GRID2: variants seen among roughly 807,000 people sequenced by gnomAD.
The protein encoded by GRID2 is glutamate ionotropic receptor delta type subunit 2.
Under a neutral mutation model 114.8 loss-of-function variants are expected in GRID2, and 33 were observed. The ratio of observed to expected loss-of-function variants is 0.29; its 90% confidence interval spans 0.22 to 0.38. GRID2 has a LOEUF of 0.38. Ranked by LOEUF, GRID2 falls within the 10% of genes least tolerant of loss-of-function variation. The pLI, the probability that GRID2 is intolerant of heterozygous loss-of-function variation, is 1.00. For synonymous variants in GRID2, 505 were observed against 449.9 expected, an observed-to-expected ratio of 1.12 and a Z score of -1.55; for missense variants, 1,184 against 1,257.7, an observed-to-expected ratio of 0.94 and a Z score of 0.89.
At chr4:93,503,088 A>C (rs972464592) in intron 12 of GRID2, among the ~76,000 whole-genome samples, 8 of 152,130 alleles carry the variant, frequency 5.3e-5, no homozygotes, top group African/African-American at 1.9e-4. Context: ...CAAAAAGGAA[A>C]TACCACCTAC....
At chr4:93,177,649 T>C (rs923396916) in intron 4 of GRID2, among the ~76,000 whole-genome samples, 1 of 152,182 alleles carries the variant, frequency 6.6e-6, no homozygotes, top group African/African-American at 2.4e-5. Flanking sequence ...AAAATAACTT[T>C]AGGGAAAAAA....
At chr4:92,556,195 G>A (rs1017503516) in intron 1 of GRID2, among the ~76,000 whole-genome samples, 12 of 151,974 alleles carry the variant, frequency 7.9e-5, no homozygotes, top group African/African-American at 2.2e-4. Context: ...ATAACAAAAG[G>A]CAAAGGAAAA....
At chr4:93,596,408 C>T (rs1385734924) in intron 13 of GRID2, among the ~76,000 whole-genome samples, 1 of 152,014 alleles carries the variant, frequency 6.6e-6, no homozygotes, top group Non-Finnish European at 1.5e-5. Flanking sequence ...GAAACCCTGT[C>T]TCTACTACAA....
chr4:93,311,503 A>G (rs1756008979), intron 8 of GRID2, among the ~76,000 whole-genome samples: 1 of 152,154 alleles, frequency 6.6e-6, no homozygotes, highest in African/African-American at 2.4e-5. Flanking sequence ...TCTCAAGCAA[A>G]CACGTAGTTA....
intron 1 of GRID2, among the ~76,000 whole-genome samples, chr4:92,475,128 T>A (rs960397027): frequency 1.5e-4 from 18 of 121,220 alleles, no homozygotes; most frequent in South Asian, 5.4e-4. Flanking sequence ...ATAATAATAA[T>A]AAATAATAAT....
intron 2 of GRID2, among the ~76,000 whole-genome samples, chr4:92,940,578 G>A (rs1181679046): frequency 1.3e-5 from 2 of 152,078 alleles, no homozygotes; most frequent in African/African-American, 4.8e-5. Flanking sequence ...CTGCCTAATT[G>A]CCCTGGCCAG....
chr4:92,769,725 G>A (rs899580016), intron 2 of GRID2, among the ~76,000 whole-genome samples: 1 of 152,100 alleles, frequency 6.6e-6, no homozygotes, highest in Non-Finnish European at 1.5e-5. Context: ...ACAGCCCAAG[G>A]TGTACCTTGG....
At chr4:92,637,257 A>G (rs1349425293) in intron 2 of GRID2, among the ~76,000 whole-genome samples, 1 of 152,020 alleles carries the variant, frequency 6.6e-6, no homozygotes, top group African/African-American at 2.4e-5. Context: ...AGCCTTTAAA[A>G]TATCATTTTC....
At chr4:92,693,570 G>T (rs1356490329) in intron 2 of GRID2, among the ~76,000 whole-genome samples, 3 of 152,160 alleles carry the variant, frequency 2.0e-5, no homozygotes, top group African/African-American at 7.2e-5. Context: ...ACAGTACTGT[G>T]AGATGAACAG....
intron 2 of GRID2, among the ~76,000 whole-genome samples, chr4:92,798,608 C>T (rs1740003299): frequency 6.6e-6 from 1 of 152,036 alleles, no homozygotes; most frequent in South Asian, 2.1e-4. Context: ...ACACCTCCTT[C>T]CCTCTTAAAA....
intron 1 of GRID2, among the ~76,000 whole-genome samples, chr4:92,407,664 G>C (rs1449660767): frequency 6.6e-6 from 1 of 152,020 alleles, no homozygotes; most frequent in Admixed American, 6.6e-5. Flanking sequence ...GTTTTGATTT[G>C]CATTTCTCTG....
chr4:93,600,182 T>A (rs17277423), intron 13 of GRID2, among the ~76,000 whole-genome samples: 22,887 of 152,158 alleles, frequency 0.15, 2,289 homozygotes, highest in Middle Eastern at 0.3. Context: ...TCAGTACAAA[T>A]ACAAGTTCCT....
At chr4:92,712,541 C>T (rs1300373926) in intron 2 of GRID2, among the ~76,000 whole-genome samples, 1 of 152,004 alleles carries the variant, frequency 6.6e-6, no homozygotes, top group Non-Finnish European at 1.5e-5. Context: ...TCAGCATTCC[C>T]CTACTTCCAT....
chr4:93,205,052 A>G (rs1257706821), intron 4 of GRID2, among the ~76,000 whole-genome samples: 1 of 152,000 alleles, frequency 6.6e-6, no homozygotes, highest in East Asian at 1.9e-4. Flanking sequence ...CACTTTCCTT[A>G]TATCTTAGTT....
intron 2 of GRID2, among the ~76,000 whole-genome samples, chr4:92,830,513 A>T (rs1470890913): frequency 6.6e-6 from 1 of 152,050 alleles, no homozygotes; most frequent in African/African-American, 2.4e-5. Context: ...ATCATGAATA[A>T]TTTTCCTTAT....
chr4:92,866,531 C>A (rs547013783), intron 2 of GRID2, among the ~76,000 whole-genome samples: 1 of 151,760 alleles, frequency 6.6e-6, no homozygotes, highest in African/African-American at 2.4e-5. Context: ...TGTTAGAAAT[C>A]ATTGATGTTA....
intron 1 of GRID2, among the ~76,000 whole-genome samples, chr4:92,458,507 G>A (rs960733888): frequency 2.0e-5 from 3 of 152,078 alleles, no homozygotes; most frequent in African/African-American, 7.2e-5. Flanking sequence ...GGTGGCCTAG[G>A]GTGCCAGGCT....
chr4:93,496,994 C>T (rs1727616483), intron 12 of GRID2, among the ~76,000 whole-genome samples: 2 of 151,316 alleles, frequency 1.3e-5, no homozygotes, highest in African/African-American at 2.4e-5. Context: ...TGTGTTTCCA[C>T]CTGCATTGTA....
intron 1 of GRID2, among the ~76,000 whole-genome samples, chr4:92,396,804 C>T (rs2110271551): frequency 6.6e-6 from 1 of 152,134 alleles, no homozygotes; most frequent in Non-Finnish European, 1.5e-5. Context: ...ACATCAGGTG[C>T]TTCCAGTCCT....
Sources: allele counts gnomAD v4.1 joint callset (sites outside exome capture counted in the v4.1 genomes callset), GRCh38; gene constraint gnomAD v4.1.1; transcripts MANE v1.5; gene names NCBI Gene and HGNC (gene_info 2026-07-23, HGNC 2026-07-21).